RPA3: variants seen among roughly 807,000 people sequenced by gnomAD.
The protein encoded by RPA3 is replication protein A3, also known as replication protein A 14 kDa subunit.
In RPA3, 24 loss-of-function variants were observed where a neutral mutation model predicts 13.7. The observed-to-expected ratio is 1.75, with a 90% CI of 1.27 to 2.46. The LOEUF (loss-of-function observed/expected upper bound fraction) is 2.46. Ranked by LOEUF, RPA3 falls within the 30% of genes most tolerant of loss-of-function variation. The probability of loss-of-function intolerance (pLI) is 0.00; values close to 1 mark genes in which losing one functional copy is unlikely to be tolerated. For synonymous variants in RPA3, 59 were observed against 51.2 expected, an observed-to-expected ratio of 1.15 and a Z score of -0.65; for missense variants, 183 against 151.0, an observed-to-expected ratio of 1.21 and a Z score of -1.11.
At chr7:7,706,777 G>T (rs1429304039) in intron 2 of RPA3, among the ~76,000 whole-genome samples, 1 of 152,144 alleles carries the variant, frequency 6.6e-6, no homozygotes, top group East Asian at 1.9e-4. Context: ...AAACTAGATT[G>T]TCTGAGTCTG....
In RPA3 at chr7:7,637,038, G is replaced by C. The variant is rs1438678823; in HGVS notation, c.328C>G (p.Pro110Ala). 11 of 1,612,786 alleles carry C rather than the reference G, an allele frequency of 6.8e-6. No homozygotes were observed. Among genetic ancestry groups the C allele is most frequent in the Non-Finnish European group, 9.3e-6 (11 of 1,179,236 alleles). The change falls in exon 8 of 8, where the codon CCT becomes GCT. Residue 110 changes from proline (P) to alanine (A), a missense_variant. Coordinates refer to ENST00000223129, the MANE Select transcript of RPA3 (RefSeq NM_002947.5). ...ACAATCCCTAAAGGATAAAACTGAG[G>C]GAAGTCATGGATAATTTTCACAGCT... Reference protein sequence around the residue: ...NEAVKIIHDFPQFYPLGIVQH... With the variant: ...NEAVKIIHDFAQFYPLGIVQH...
rs1784910108 is a variant in RPA3 at position 7,639,067 on chromosome 7, T to TA, written c.174+2dup. On this transcript the variant is annotated splice_region_variant and intron_variant, in intron 6 of 7. Coordinates refer to ENST00000223129, the MANE Select transcript of RPA3 (RefSeq NM_002947.5). Reference sequence around the variant, plus strand: ...TAAGAGACTTATTAACACTTAAACATACGGGTTCCATCAACTCGATGGTTC... The same window carrying TA: ...TAAGAGACTTATTAACACTTAAACATAACGGGTTCCATCAACTCGATGGTTC... 6.2e-7 allele frequency: 1 copy of TA among 1,607,956 alleles called. No homozygotes were observed. Among genetic ancestry groups the TA allele is most frequent in the African/African-American group, 1.3e-5 (1 of 74,678 alleles).
chr7:7,704,766 CA>C (rs71011001), intron 2 of RPA3, among the ~76,000 whole-genome samples: 155 of 17,836 alleles, frequency 8.7e-3, no homozygotes, highest in East Asian at 0.06. Context: ...GACTCCATCT[CA>C]AAAAAAAAAA....
rs1471423962 is a variant in RPA3 at position 7,692,173 on chromosome 7, TGGAAAGCAGC to T, written c.-1027-4855_-1027-4846del. Among the ~76,000 whole-genome samples the T allele has an allele frequency of 2.6e-5, 4 of 152,064 alleles. No individual in the cohort carries two copies. The East Asian group carries it at 7.7e-4, about 29-fold the overall frequency. On this transcript the variant is annotated intron_variant, in intron 2 of 7. Transcript: ENST00000223129. ...CACATATCACCATCTTCCCTTACTC[TGGAAAGCAGC>T]TAGTCAGCAGGTAGAGAAGGGACTG...
chr7:7,639,837 A>G (rs913363980), intron 5 of RPA3: 2 of 168,194 alleles, frequency 1.2e-5, no homozygotes, highest in African/African-American at 4.8e-5. Context: ...AGGGAACTTC[A>G]CTTTAATACT....
At chr7:7,644,106 T>C (rs1393009274) in intron 4 of RPA3, among the ~76,000 whole-genome samples, 6 of 152,214 alleles carry the variant, frequency 3.9e-5, no homozygotes, top group Non-Finnish European at 5.9e-5. Flanking sequence ...TTGGCAACTC[T>C]TGGAGTTTTT....
chr7:7,692,326 CT>C (rs1353192181), intron 2 of RPA3: 1 of 152,070 alleles, frequency 6.6e-6, no homozygotes, highest in Non-Finnish European at 1.5e-5. Context: ...AGAATTATAA[CT>C]TTTTTCTTGT....
At chr7:7,674,219 A>T (rs1213724086) in intron 4 of RPA3, among the ~76,000 whole-genome samples, 1 of 152,082 alleles carries the variant, frequency 6.6e-6, no homozygotes, top group Admixed American at 6.5e-5. Flanking sequence ...GCATTAACTC[A>T]TATGGTCTTC....
At chr7:7,693,734 A>G (rs1392933989) in intron 2 of RPA3, among the ~76,000 whole-genome samples, 1 of 152,094 alleles carries the variant, frequency 6.6e-6, no homozygotes, top group Non-Finnish European at 1.5e-5. Context: ...TATTATATGA[A>G]CGTGAAGTTT....
chr7:7,660,902 A>G (rs1171564120), intron 4 of RPA3, among the ~76,000 whole-genome samples: 1 of 152,164 alleles, frequency 6.6e-6, no homozygotes, highest in East Asian at 1.9e-4. Context: ...GTGTTTTCCA[A>G]CTTGGTTCTA....
intron 4 of RPA3, among the ~76,000 whole-genome samples, chr7:7,671,479 C>A (rs539917465): frequency 1.3e-3 from 192 of 152,282 alleles, no homozygotes; most frequent in African/African-American, 4.1e-3. Context: ...TTAGCTGAGG[C>A]TGAGTTTTAA....
chr7:7,642,903 G>A (rs1307610367), intron 4 of RPA3, among the ~76,000 whole-genome samples: 3 of 152,208 alleles, frequency 2.0e-5, no homozygotes, highest in African/African-American at 7.2e-5. Context: ...ATGGTATGTT[G>A]TTTAATATTG....
chr7:7,677,288 A>G (rs1779765198), intron 4 of RPA3, among the ~76,000 whole-genome samples: 1 of 152,156 alleles, frequency 6.6e-6, no homozygotes, highest in South Asian at 2.1e-4. Flanking sequence ...AAAAATATAC[A>G]ATAAATTATT....
At chr7:7,647,790 A>G (rs1007613012) in intron 4 of RPA3, among the ~76,000 whole-genome samples, 1 of 152,116 alleles carries the variant, frequency 6.6e-6, no homozygotes, top group Admixed American at 6.5e-5. Context: ...TCTTTTGTAG[A>G]GACGGGTTCT....
intron 4 of RPA3, among the ~76,000 whole-genome samples, chr7:7,683,216 A>G (rs978998908): frequency 1.3e-5 from 2 of 152,174 alleles, no homozygotes; most frequent in African/African-American, 4.8e-5. Flanking sequence ...TTAGGGATCT[A>G]TCTCTCTGTG....
At chr7:7,676,069 T>C (rs1779730565) in intron 4 of RPA3, 2 of 398,646 alleles carry the variant, frequency 5.0e-6, no homozygotes, top group Non-Finnish European at 8.8e-6. Flanking sequence ...TCGTTCTCTT[T>C]TCATCATTCA....
chr7:7,639,275 C>T, intron 5 of RPA3, 131 bp from the exon 6 acceptor site: 3 of 592,888 alleles, frequency 5.1e-6, no homozygotes, highest in Middle Eastern at 4.1e-4. Context: ...GTTTATTCAA[C>T]TTATTGGATC....
chr7:7,693,321 A>ATCTATCTG (rs1780223974), intron 2 of RPA3, among the ~76,000 whole-genome samples: 2 of 151,934 alleles, frequency 1.3e-5, no homozygotes, highest in Admixed American at 6.6e-5. Context: ...CTATCTATCT[A>ATCTATCTG]TCTATCTATC....
intron 2 of RPA3, among the ~76,000 whole-genome samples, chr7:7,705,917 A>G (rs1020247795): frequency 1.3e-5 from 2 of 152,110 alleles, no homozygotes; most frequent in African/African-American, 2.4e-5. Context: ...AATTCTCTGT[A>G]CCTTCTGTTC....
Sources: gnomAD v4.1 joint callset for allele counts (sites outside exome capture counted in the v4.1 genomes callset) on GRCh38, gnomAD v4.1.1 for gene constraint, MANE v1.5 for transcripts, NCBI Gene and HGNC (gene_info 2026-07-23, HGNC 2026-07-21) for gene names.